The following SPATA22 variants were observed in gnomAD, a reference collection of about 807,000 sequenced individuals.
SPATA22 encodes the protein spermatogenesis associated 22, also known as spermatogenesis-associated protein 22.
Under a neutral mutation model 47.8 loss-of-function variants are expected in SPATA22, and 29 were observed. The observed-to-expected ratio is 0.61, with a 90% CI of 0.45 to 0.83. SPATA22 has a LOEUF of 0.83. Among genes scored for constraint, SPATA22 ranks in the 40% least tolerant of loss-of-function variants. SPATA22 has a pLI of 0.00. For missense variants in SPATA22, 410 were observed against 421.7 expected (o/e 0.97, Z 0.24); for synonymous variants, 133 against 140.9 (o/e 0.94, Z 0.40).
intron 5 of SPATA22, among the ~76,000 whole-genome samples, chr17:3,451,706 T>C (rs909016021): frequency 1.3e-5 from 2 of 152,112 alleles, no homozygotes; most frequent in African/African-American, 4.8e-5. Flanking sequence ...CCCAGCACTT[T>C]GGGAGGCCGA....
intron 1 of SPATA22, among the ~76,000 whole-genome samples, chr17:3,470,949 G>A (rs1294717858): frequency 6.6e-6 from 1 of 151,894 alleles, no homozygotes; most frequent in East Asian, 1.9e-4. Context: ...GAGGTCGGGA[G>A]TTCAAGACCA....
chr17:3,440,352 A>T lies in SPATA22; in HGVS notation c.901-14T>A, dbSNP rs1288325763. The T allele has an allele frequency of 1.3e-6, 2 of 1,497,450 alleles. No individual in the cohort carries two copies. The highest frequency in any genetic ancestry group is 1.8e-6 in the Non-Finnish European group (2 of 1,118,954). 92.8% of individuals were successfully genotyped at this position (1,497,450 alleles called of 1,614,324 possible). On this transcript the variant is annotated splice_polypyrimidine_tract_variant and intron_variant, in intron 8 of 8. Transcript: ENST00000572969. Reference sequence around the variant, plus strand: ...AAGTTCACGATCCTGTTTTTCAAAAAATAAGTATCAAAAAATAGTTATTAC... The same window carrying T: ...AAGTTCACGATCCTGTTTTTCAAAATATAAGTATCAAAAAATAGTTATTAC...
In SPATA22 at chr17:3,455,776, C is replaced by G. The variant is rs1205587058; in HGVS notation, c.330-6627G>C. Among the ~76,000 whole-genome samples the G allele has an allele frequency of 2.0e-5, 3 of 148,720 alleles. No individual in the cohort carries two copies. In the East Asian group the frequency reaches 5.9e-4, roughly 29 times the overall value. ...TTGGCTTAGGATTGACTTGGCGATG[C>G]GGGCTCTTTTTTGGTTCCATATGAA... On this transcript the variant is annotated intron_variant, in intron 5 of 8. Transcript: ENST00000572969.
At chr17:3,498,592 C>T (rs1379820275) in intron 1 of SPATA22, among the ~76,000 whole-genome samples, 1 of 152,184 alleles carries the variant, frequency 6.6e-6, no homozygotes, top group Non-Finnish European at 1.5e-5. Flanking sequence ...AGCGATCCAC[C>T]CACATTGGCC....
At chr17:3,467,317 T>G in intron 3 of SPATA22, 109 bp downstream of exon 3, 1 of 929,578 alleles carries the variant, frequency 1.1e-6, no homozygotes, top group Non-Finnish European at 1.6e-6. Flanking sequence ...ATGTGGATAA[T>G]GGAAAGAAGA....
chr17:3,440,541 T>G (rs533749019), intron 8 of SPATA22: 3 of 378,936 alleles, frequency 7.9e-6, no homozygotes, highest in African/African-American at 6.3e-5. Context: ...CCTCACTTGG[T>G]AGGGCTCTTA....
At chr17:3,486,955 A>G (rs2073733282) in intron 1 of SPATA22, among the ~76,000 whole-genome samples, 1 of 152,194 alleles carries the variant, frequency 6.6e-6, no homozygotes, top group Admixed American at 6.5e-5. Context: ...TAATAATTAC[A>G]CAAATAACTT....
At chr17:3,457,607 T>C (rs1006881604) in intron 5 of SPATA22, among the ~76,000 whole-genome samples, 48 of 152,202 alleles carry the variant, frequency 3.2e-4, no homozygotes, top group African/African-American at 9.9e-4. Context: ...ATCAAAACAG[T>C]ATGGTACTGG....
At chr17:3,486,752 T>TAAAATCTAA (rs1471713359) in intron 1 of SPATA22, among the ~76,000 whole-genome samples, 2 of 152,208 alleles carry the variant, frequency 1.3e-5, no homozygotes, top group Non-Finnish European at 2.9e-5. Flanking sequence ...ATAAATAAAT[T>TAAAATCTAA]AAAATCTAAA....
At chr17:3,449,859 T>TG (rs1036557689) in intron 5 of SPATA22, among the ~76,000 whole-genome samples, 1 of 152,136 alleles carries the variant, frequency 6.6e-6, no homozygotes, top group Non-Finnish European at 1.5e-5. Flanking sequence ...CGAATTTTTT[T>TG]TTTTTCTCTT....
At chr17:3,470,036 T>C (rs2150735046) in intron 1 of SPATA22, among the ~76,000 whole-genome samples, 1 of 132,144 alleles carries the variant, frequency 7.6e-6, no homozygotes, top group South Asian at 2.4e-4. Context: ...GAGGTTGCAG[T>C]GAGCTGAGAT....
At chr17:3,464,513 G>A (rs1213809587) in intron 3 of SPATA22, among the ~76,000 whole-genome samples, 3 of 131,586 alleles carry the variant, frequency 2.3e-5, no homozygotes, top group East Asian at 2.2e-4. Context: ...CTGCCCGGCC[G>A]CCGTCCCATC....
In SPATA22 at chr17:3,490,929, G is replaced by A. The variant is rs1322236640; in HGVS notation, c.-73-21531C>T. 6.6e-6 allele frequency among the ~76,000 whole-genome samples: 1 copy of A among 152,086 alleles called. No individual in the cohort carries two copies. The highest frequency in any genetic ancestry group is 6.5e-5 in the Admixed American group (1 of 15,272). ...ACATTTCATTTAAGCAAAGGATTCG[G>A]CAAATCAAAAATTGTCAACCACGAT... On this transcript the variant is annotated intron_variant, in intron 1 of 8. Coordinates refer to the SPATA22 transcript ENST00000541913. The surrounding 1 kb of genome is among the most constrained non-coding windows in gnomAD (Gnocchi z 4.6).
chr17:3,457,307 C>G (rs1432049320), intron 5 of SPATA22, among the ~76,000 whole-genome samples: 2 of 152,160 alleles, frequency 1.3e-5, no homozygotes, highest in Admixed American at 6.5e-5. Flanking sequence ...ACCCCATTGT[C>G]TCAGCCCAAA....
At chr17:3,491,525 T>A (rs771851879) in intron 1 of SPATA22, among the ~76,000 whole-genome samples, 1 of 152,162 alleles carries the variant, frequency 6.6e-6, no homozygotes, top group Non-Finnish European at 1.5e-5. Flanking sequence ...GGCAGGCAGA[T>A]CACTTGAGGT....
chr17:3,460,144 A>G (rs1262725831), intron 5 of SPATA22, among the ~76,000 whole-genome samples: 1 of 152,216 alleles, frequency 6.6e-6, no homozygotes, highest in Non-Finnish European at 1.5e-5. Context: ...GATAGACAAG[A>G]CAGCACAAAG....
rs1393102540 is a variant in SPATA22, at chr17:3,488,431, C to T, written c.-73-19033G>A. Among the ~76,000 whole-genome samples, 1 of 152,134 alleles carries T rather than the reference C, an allele frequency of 6.6e-6. No homozygotes were observed. Among genetic ancestry groups the T allele is most frequent in the Non-Finnish European group, 1.5e-5 (1 of 68,026 alleles). ...CAGCATTTGGGGAAGCCGAGAAGGG[C>T]AGATTACCTGCGGTCAGGAGTTTGA... On this transcript the variant is annotated intron_variant, in intron 1 of 8. Transcript: ENST00000541913. The surrounding 1 kb of genome is among the most constrained non-coding windows in gnomAD (Gnocchi z 6.1).
intron 5 of SPATA22, among the ~76,000 whole-genome samples, chr17:3,454,532 G>A (rs560481726): frequency 1.6e-4 from 24 of 151,190 alleles, no homozygotes; most frequent in African/African-American, 5.3e-4. Flanking sequence ...TCCCATCTAT[G>A]AGTGAGAACA....
At position 3,497,824 on chromosome 17, in the gene SPATA22, G is replaced by T. The variant is rs983510030; in HGVS notation, c.-74+15588C>A. Among the ~76,000 whole-genome samples the T allele has an allele frequency of 2.6e-5, 4 of 152,190 alleles. No individual in the cohort carries two copies. The South Asian group carries it at 8.3e-4, about 32-fold the overall frequency. ...ATGCGGATGCTGCTGGGAAATGTTA[G>T]ACATGCAGAATCCCAGGCCCCCACC... is the stretch of plus-strand genomic sequence containing the variant. On this transcript the variant is annotated intron_variant, in intron 1 of 8. Coordinates refer to the SPATA22 transcript ENST00000541913.
Sources: allele counts gnomAD v4.1 joint callset (sites outside exome capture counted in the v4.1 genomes callset), GRCh38; gene constraint gnomAD v4.1.1; non-coding constraint Gnocchi (gnomAD v3.1); transcripts MANE v1.5; gene names NCBI Gene and HGNC (gene_info 2026-07-23, HGNC 2026-07-21).